SUPT16H: variants seen among roughly 807,000 people sequenced by gnomAD.
The protein encoded by SUPT16H is FACT complex subunit SPT16.
SUPT16H carries 24 observed loss-of-function variants against 136.2 expected under a neutral mutation model. The observed-to-expected ratio is 0.18, with a 90% CI of 0.13 to 0.25. The LOEUF is 0.25. SUPT16H is among the 10% of genes least tolerant of loss of function. SUPT16H has a pLI of 1.00. For missense variants in SUPT16H, 623 were observed against 1,270.2 expected (o/e 0.49, Z 7.74); for synonymous variants, 415 against 428.2 (o/e 0.97, Z 0.38).
chr14:21,365,219 A>G, intron 8 of SUPT16H, 76 bp from the exon 9 acceptor site: 1 of 1,341,704 alleles, frequency 7.5e-7, no homozygotes, highest in Non-Finnish European at 1.0e-6. Context: ...ATTCATTTCA[A>G]CTTTCACAAT....
intron 1 of SUPT16H, among the ~76,000 whole-genome samples, chr14:21,379,152 A>AGG (rs1424572496): frequency 2.0e-5 from 3 of 152,134 alleles, no homozygotes; most frequent in Non-Finnish European, 4.4e-5. Context: ...GTAGAGATCT[A>AGG]GGGCTGGGTG....
rs749945054 is a variant in SUPT16H at position 21,354,554 on chromosome 14, C to T, written c.2661-14G>A. On this transcript the variant is annotated splice_polypyrimidine_tract_variant and intron_variant, in intron 22 of 25. Coordinates refer to ENST00000216297, the MANE Select transcript of SUPT16H (RefSeq NM_007192.4). ...AGGTCGCAGGAACTAAGAGAAATGA[C>T]ATGACAAAGTCAAATCAATCTTCTG... The T allele has an allele frequency of 6.2e-7, 1 of 1,612,198 alleles. No individual in the cohort carries two copies. The highest frequency in any genetic ancestry group is 8.5e-7 in the Non-Finnish European group (1 of 1,179,290).
At position 21,366,514 on chromosome 14, in the gene SUPT16H, T is replaced by G. The variant is rs2139406900; in HGVS notation, c.971A>C (p.Asp324Ala). 2 of 1,613,914 alleles carry G rather than the reference T, an allele frequency of 1.2e-6. No homozygotes were observed. The highest frequency in any genetic ancestry group is 2.2e-5 in the South Asian group (2 of 91,004). ...CACGTCCATGACAGCGTTATACACG[T>G]CACATATCTTCACACCTAATAACAA... ...KELRHGVKIC[D>A]VYNAVMDVVK... The change falls in exon 8 of 26, where the codon GAC becomes GCC. Residue 324 changes from aspartate (D) to alanine (A), a missense_variant. By Grantham distance (126) the Asp-to-Ala change is moderately radical. Transcript: ENST00000216297.
At position 21,378,736 on chromosome 14, in the gene SUPT16H, A is replaced by G. The variant is rs893254394; in HGVS notation, c.66+5126T>C. Among the ~76,000 whole-genome samples, 6 of 152,324 alleles carry G rather than the reference A, an allele frequency of 3.9e-5. No individual in the cohort carries two copies. In the East Asian group the frequency reaches 1.2e-3, roughly 29 times the overall value. Reference sequence around the variant, plus strand: ...AATCAAGAAATAGCAGTATATATAGATATTATTTAGAAATATGAAAGAAAC... The same window carrying G: ...AATCAAGAAATAGCAGTATATATAGGTATTATTTAGAAATATGAAAGAAAC... On this transcript the variant is annotated intron_variant, in intron 1 of 25. Transcript: ENST00000216297.
chr14:21,357,482 G>GTTT, intron 21 of SUPT16H, 116 bp from the exon 22 acceptor site: 4 of 1,043,586 alleles, frequency 3.8e-6, no homozygotes, highest in Non-Finnish European at 5.0e-6. Flanking sequence ...CTGTTTTTTG[G>GTTT]TTTTTTTTTT....
At chr14:21,354,726 G>A (rs1283051113) in intron 22 of SUPT16H, 186 bp from the exon 23 acceptor site, 1 of 542,254 alleles carries the variant, frequency 1.8e-6, no homozygotes, top group Admixed American at 3.8e-5. Flanking sequence ...CGAGTATCTG[G>A]GATTACAGGC....
chr14:21,363,176 A>G, intron 12 of SUPT16H, 27 bp from the exon 13 acceptor site: 2 of 1,613,888 alleles, frequency 1.2e-6, no homozygotes, highest in Non-Finnish European at 1.7e-6. Flanking sequence ...CCAATTTATC[A>G]CAACACGTGA....
At chr14:21,353,915 C>A in intron 23 of SUPT16H, 83 bp from the exon 24 acceptor site, 1 of 1,332,920 alleles carries the variant, frequency 7.5e-7, no homozygotes, top group Non-Finnish European at 1.0e-6. Flanking sequence ...ACATAGTATA[C>A]CAGTATTTAC....
In SUPT16H at chr14:21,369,164, A is replaced by G. The variant is rs189936942; in HGVS notation, c.782+40T>C. The stretch of plus-strand genomic sequence containing the variant: ...ATTTAACAAAAAGAAAAAATAGGCT[A>G]AAGTCAAAATGCTATATTATGAAGT... On this transcript the variant is annotated intron_variant, in intron 6 of 25. Transcript: ENST00000216297. 2.0e-4 allele frequency: 317 copies of G among 1,575,016 alleles called. No individual in the cohort carries two copies. The Middle Eastern group carries it at 2.0e-3, about 10-fold the overall frequency.
chr14:21,377,080 A>G (rs1886918622), intron 1 of SUPT16H, among the ~76,000 whole-genome samples: 2 of 151,258 alleles, frequency 1.3e-5, no homozygotes, highest in Non-Finnish European at 3.0e-5. Flanking sequence ...GAAAAAGAAA[A>G]AAAAAAAAAA....
At chr14:21,353,453 G>C (rs1477329512) in intron 25 of SUPT16H, 35 bp downstream of exon 25, 4 of 1,589,858 alleles carry the variant, frequency 2.5e-6, no homozygotes, top group Non-Finnish European at 3.4e-6. Flanking sequence ...TTTGTGCGTA[G>C]ACAAATGAAT....
At position 21,371,932 on chromosome 14, in the gene SUPT16H, G is replaced by C. The variant is rs1043811060; in HGVS notation, c.272C>G (p.Thr91Ser). ...KVEFLKQIAN[T>S]KGNENANGAP... ...TCCATTAGCATTCTCATTGCCCTTA[G>C]TGTTGGCAATCTGTTTCAAGAACTC... The change falls in exon 3 of 26, where the codon ACT (threonine) becomes AGT (serine). Residue 91 changes from threonine (T) to serine (S), a missense_variant. This residue lies in a region of SUPT16H where 343 missense variants were observed against 525.7 expected (regional missense o/e 0.65). Coordinates refer to ENST00000216297, the MANE Select transcript of SUPT16H (RefSeq NM_007192.4). 6 of 1,613,936 alleles carry C rather than the reference G, an allele frequency of 3.7e-6. No individual in the cohort carries two copies. Among genetic ancestry groups the C allele is most frequent in the Non-Finnish European group, 5.1e-6 (6 of 1,180,014 alleles).
rs971298589 is a variant in SUPT16H at position 21,354,429 on chromosome 14, G to A, written c.2772C>T (p.Phe924=). Residue 924 remains phenylalanine, a synonymous_variant, in exon 23 of 26, where the codon TTC becomes TTT. Coordinates refer to ENST00000216297, the MANE Select transcript of SUPT16H (RefSeq NM_007192.4). The part of the protein sequence containing the change: ...EGFFEQGGWS[F]LEPEGEGSDA... The stretch of plus-strand genomic sequence containing the variant: ...CACGCACCTCACCCTCAGGCTCCAG[G>A]AAAGACCAGCCACCTTGTTCGAAGA... 2 of 1,613,924 alleles carry A rather than the reference G, an allele frequency of 1.2e-6. No homozygotes were observed. The highest frequency in any genetic ancestry group is 1.7e-6 in the Non-Finnish European group (2 of 1,179,984).
At chr14:21,363,740 G>A (rs1345901329) in intron 10 of SUPT16H, among the ~76,000 whole-genome samples, 1 of 152,052 alleles carries the variant, frequency 6.6e-6, no homozygotes, top group East Asian at 1.9e-4. Flanking sequence ...GTGCAATGGC[G>A]TGACCTCAGC....
In SUPT16H at chr14:21,371,980, A is replaced by C; in HGVS notation, c.224T>G (p.Phe75Cys). The part of the protein sequence containing the change: ...IMVFCDDKII[F>C]MASKKKVEFL... Reference sequence around the variant, plus strand: ...CTCCACTTTTTTCTTGCTGGCCATAAAGATGATTTTGTCATCACAAAAGAC... The same window carrying C: ...CTCCACTTTTTTCTTGCTGGCCATACAGATGATTTTGTCATCACAAAAGAC... The change falls in exon 3 of 26, where the codon TTT becomes TGT. Residue 75 changes from phenylalanine (F) to cysteine (C), a missense_variant. Phe to Cys is a radical substitution (Grantham distance 205). Coordinates refer to ENST00000216297, the MANE Select transcript of SUPT16H (RefSeq NM_007192.4). 6.2e-7 allele frequency: 1 copy of C among 1,614,098 alleles called. No homozygotes were observed. The highest frequency in any genetic ancestry group is 8.5e-7 in the Non-Finnish European group (1 of 1,180,008).
chr14:21,375,342 T>C (rs1886878255), intron 1 of SUPT16H, among the ~76,000 whole-genome samples: 1 of 152,170 alleles, frequency 6.6e-6, no homozygotes, highest in African/African-American at 2.4e-5. Flanking sequence ...TTCATTTCTC[T>C]GATAGCTAAT....
At position 21,352,748 on chromosome 14, in the gene SUPT16H, A is replaced by C; in HGVS notation, c.3069T>G (p.Ser1023=). ...SRSMSRKRKA[S]VHSSGRGSNR... is the part of the protein sequence containing the mutation. ...TAGAGCCACGGCCCGAACTGTGCACAGATGCCTTCCTCTTCCGGCTCATAC... is the reference window on the plus strand; with the variant it reads ...TAGAGCCACGGCCCGAACTGTGCACCGATGCCTTCCTCTTCCGGCTCATAC... Residue 1023 remains serine (S), a synonymous_variant, in exon 26 of 26, where the codon TCT becomes TCG. Coordinates refer to ENST00000216297, the MANE Select transcript of SUPT16H (RefSeq NM_007192.4). The C allele has an allele frequency of 6.2e-7, 1 of 1,614,092 alleles. No homozygotes were observed. Among genetic ancestry groups the C allele is most frequent in the Non-Finnish European group, 8.5e-7 (1 of 1,180,004 alleles).
intron 2 of SUPT16H, chr14:21,372,859 T>C (rs530571552): frequency 2.9e-6 from 1 of 339,642 alleles, no homozygotes; most frequent in African/African-American, 2.2e-5. Flanking sequence ...CTTTATGTGA[T>C]GGTGAAAATA....
intron 2 of SUPT16H, chr14:21,372,254 T>C (rs1489850995): frequency 3.8e-6 from 2 of 522,208 alleles, no homozygotes; most frequent in African/African-American, 3.8e-5. Context: ...GTTCAATGTA[T>C]TATTTTCTCT....
Sources: gnomAD v4.1 joint callset for allele counts (sites outside exome capture counted in the v4.1 genomes callset) on GRCh38, gnomAD v4.1.1 for gene constraint, gnomAD v4.1.1 regional missense constraint, MANE v1.5 for transcripts, NCBI Gene and HGNC (gene_info 2026-07-23, HGNC 2026-07-21) for gene names.